The following ZNF705A variants were observed in gnomAD, a reference collection of about 807,000 sequenced individuals.
ZNF705A encodes the protein zinc finger protein 705A.
A neutral mutation model predicts 16.6 loss-of-function variants in ZNF705A; 8 were observed. That is an observed-to-expected ratio of 0.48 (90% CI 0.28 to 0.87). The LOEUF (loss-of-function observed/expected upper bound fraction) is 0.87. ZNF705A is among the 40% of genes least tolerant of loss of function. ZNF705A has a pLI of 0.10. For missense variants in ZNF705A, 233 were observed against 359.9 expected (o/e 0.65, Z 2.85); for synonymous variants, 73 against 117.3 (o/e 0.62, Z 2.44).
chr12:8,171,749 T>G (rs771924650), upstream of ZNF705A, among the ~76,000 whole-genome samples: 5 of 152,262 alleles, frequency 3.3e-5, no homozygotes, highest in South Asian at 1.0e-3. Flanking sequence ...AACAGATTTT[T>G]TTTTTGAGAC....
At chr12:8,170,144 G>A (rs1243616698), upstream of ZNF705A, among the ~76,000 whole-genome samples, 1 of 148,574 alleles carries the variant, frequency 6.7e-6, no homozygotes, top group African/African-American at 2.6e-5. Flanking sequence ...AGCCGAGATC[G>A]CGCCACTGCA....
At chr12:8,161,139 C>G (rs192016901) in intron 1 of ZNF705A, among the ~76,000 whole-genome samples, 1 of 152,264 alleles carries the variant, frequency 6.6e-6, no homozygotes, top group Admixed American at 6.5e-5. Context: ...TATTGAATGG[C>G]ATATGTTAAA....
upstream of ZNF705A, among the ~76,000 whole-genome samples, chr12:8,169,155 G>A (rs1368460096): frequency 6.6e-6 from 1 of 151,914 alleles, no homozygotes; most frequent in African/African-American, 2.4e-5. Flanking sequence ...TTTAAAATGT[G>A]AGATTTTTCC....
intron 1 of ZNF705A, among the ~76,000 whole-genome samples, chr12:8,162,435 T>TA (rs1168469892): frequency 6.6e-6 from 1 of 152,170 alleles, no homozygotes. Flanking sequence ...GGCCGAAACT[T>TA]AGTCTATAGA....
chr12:8,164,209 G>A (rs1483448055), intron 1 of ZNF705A, among the ~76,000 whole-genome samples: 2 of 152,186 alleles, frequency 1.3e-5, no homozygotes, highest in African/African-American at 2.4e-5. Flanking sequence ...TGGTATATCT[G>A]AAACTTTGTG....
intron 1 of ZNF705A, among the ~76,000 whole-genome samples, chr12:8,165,450 A>ATTTTT (rs57581482): frequency 3.7e-5 from 3 of 81,944 alleles, no homozygotes; most frequent in Admixed American, 1.6e-4. Context: ...GCCCAGCTAA[A>ATTTTT]TTTTTTTTTT....
exon 5 of ZNF705A, chr12:8,179,692 A>T (rs1362909029): frequency 6.6e-6 from 1 of 152,226 alleles, no homozygotes; most frequent in Non-Finnish European, 1.5e-5. Flanking sequence ...TGAGCAAGAA[A>T]TTCAAGCCCT....
chr12:8,163,723 A>G (rs1370910468), intron 1 of ZNF705A, among the ~76,000 whole-genome samples: 2 of 152,232 alleles, frequency 1.3e-5, no homozygotes, highest in African/African-American at 4.8e-5. Context: ...TGCCAAATTC[A>G]TTAGGGACGC....
intron 1 of ZNF705A, among the ~76,000 whole-genome samples, chr12:8,157,946 G>A (rs1192760473): frequency 6.6e-6 from 1 of 152,118 alleles, no homozygotes; most frequent in Non-Finnish European, 1.5e-5. Flanking sequence ...CAGACAGTGA[G>A]TGGGTTGGTA....
At chr12:8,174,480 T>C (rs1167631111) in intron 2 of ZNF705A, 28 bp downstream of exon 3, 12 of 1,592,676 alleles carry the variant, frequency 7.5e-6, no homozygotes, top group Non-Finnish European at 9.4e-6. Context: ...CACGTACATA[T>C]GTAGACACAC....
At chr12:8,159,103 G>T (rs1008798386) in intron 1 of ZNF705A, among the ~76,000 whole-genome samples, 2 of 152,018 alleles carry the variant, frequency 1.3e-5, no homozygotes, top group Admixed American at 6.6e-5. Context: ...TAGAATAATA[G>T]TCTCCAGTCT....
chr12:8,172,919 T>C (rs1290620211), intron 1 of ZNF705A, among the ~76,000 whole-genome samples: 1 of 152,236 alleles, frequency 6.6e-6, no homozygotes, highest in Non-Finnish European at 1.5e-5. Flanking sequence ...TTCCAGCCCC[T>C]ATTAAGGCTA....
chr12:8,162,349 T>G (rs1337173524), intron 1 of ZNF705A, among the ~76,000 whole-genome samples: 2 of 152,210 alleles, frequency 1.3e-5, no homozygotes, highest in East Asian at 3.9e-4. Flanking sequence ...CTATTTATAC[T>G]GACTCCAAGT....
intron 1 of ZNF705A, among the ~76,000 whole-genome samples, chr12:8,161,999 A>C (rs1948359874): frequency 6.6e-6 from 1 of 152,222 alleles, no homozygotes; most frequent in African/African-American, 2.4e-5. Flanking sequence ...TACTGAATCA[A>C]GAATTTTAAA....
chr12:8,171,205 T>A (rs1948441967), upstream of ZNF705A, among the ~76,000 whole-genome samples: 1 of 152,224 alleles, frequency 6.6e-6, no homozygotes, highest in Non-Finnish European at 1.5e-5. Context: ...TTACCCTTTT[T>A]ATTTTTCCTG....
chr12:8,158,823 A>T (rs1026194581), intron 1 of ZNF705A, among the ~76,000 whole-genome samples: 5 of 152,046 alleles, frequency 3.3e-5, no homozygotes, highest in South Asian at 4.1e-4. Context: ...TTTATTTTTT[A>T]AAATTTTCCA....
chr12:8,176,973 A>G (rs775129945), intron 4 of ZNF705A, 26 bp from the exon 6 acceptor site: 1 of 1,595,398 alleles, frequency 6.3e-7, no homozygotes, highest in African/African-American at 1.3e-5. Context: ...GTAAACCATT[A>G]AGAGCTTTTA....
intron 1 of ZNF705A, among the ~76,000 whole-genome samples, chr12:8,163,879 T>G (rs756073223): frequency 6.6e-6 from 1 of 152,310 alleles, no homozygotes; most frequent in African/African-American, 2.4e-5. Flanking sequence ...CCCCTCCTTT[T>G]AAGTTTTTTA....
intron 1 of ZNF705A, among the ~76,000 whole-genome samples, chr12:8,159,141 T>A (rs1948333345): frequency 6.6e-6 from 1 of 152,154 alleles, no homozygotes; most frequent in African/African-American, 2.4e-5. Flanking sequence ...ATGCCATTAC[T>A]TCATTCATTT....
Sources: allele counts gnomAD v4.1 joint callset (sites outside exome capture counted in the v4.1 genomes callset), GRCh38; gene constraint gnomAD v4.1.1; transcripts MANE v1.5; gene names NCBI Gene and HGNC (gene_info 2026-07-23, HGNC 2026-07-21).